The following KLRG1 variants were observed in gnomAD, a reference collection of about 807,000 sequenced individuals.
KLRG1 encodes killer cell lectin like receptor G1, also known as killer cell lectin-like receptor subfamily G member 1.
Under a neutral mutation model 21.8 loss-of-function variants are expected in KLRG1, and 16 were observed. The observed-to-expected ratio is 0.73, with a 90% CI of 0.50 to 1.11. KLRG1 has a LOEUF of 1.11. Among genes scored for constraint, KLRG1 ranks in the 50% most tolerant of loss-of-function variants. KLRG1 has a pLI of 0.00. For synonymous variants in KLRG1, 69 were observed against 75.9 expected (o/e 0.91, Z 0.47); for missense variants, 173 against 218.3 (o/e 0.79, Z 1.31).
intron 3 of KLRG1, among the ~76,000 whole-genome samples, chr12:9,003,481 A>T (rs978900180): frequency 9.2e-5 from 14 of 152,130 alleles, no homozygotes; most frequent in African/African-American, 4.8e-5. Context: ...TATTAAAAAA[A>T]ATCCATTCTT....
chr12:9,203,498 C>T, the KLRG1 span, among the ~76,000 whole-genome samples: 6 of 152,134 alleles, frequency 3.9e-5, no homozygotes, highest in South Asian at 2.1e-4. Flanking sequence ...CCTGCCACTA[C>T]GCCCGGCTAA....
chr12:9,107,874 G>A, the KLRG1 span, among the ~76,000 whole-genome samples: 2 of 146,724 alleles, frequency 1.4e-5, no homozygotes, highest in African/African-American at 2.5e-5. Context: ...TTTTTTCCTC[G>A]TTTTTTTTTA....
the KLRG1 span, chr12:9,091,341 C>T: frequency 2.5e-6 from 4 of 1,614,188 alleles, no homozygotes; most frequent in Non-Finnish European, 3.4e-6. Context: ...ATACCAAGTC[C>T]AGCATCTTCA....
chr12:9,154,916 C>A, the KLRG1 span: 1 of 1,356,336 alleles, frequency 7.4e-7, no homozygotes, highest in South Asian at 1.3e-5. Context: ...AATGCACATT[C>A]ATAATACATG....
the KLRG1 span, among the ~76,000 whole-genome samples, chr12:9,107,134 C>T: frequency 1.3e-5 from 2 of 152,028 alleles, no homozygotes; most frequent in South Asian, 4.2e-4. Flanking sequence ...GGGAAGCGGC[C>T]TTCTATATGG....
chr12:9,106,410 C>G, the KLRG1 span: 6 of 1,430,188 alleles, frequency 4.2e-6, no homozygotes, highest in Middle Eastern at 1.8e-4. Context: ...TCTATCACCT[C>G]CCCCCAACTT....
the KLRG1 span, chr12:9,165,235 G>C: frequency 1.2e-6 from 2 of 1,614,184 alleles, no homozygotes; most frequent in Non-Finnish European, 1.7e-6. Context: ...CCACAAAGAA[G>C]GGCTGGAAGG....
chr12:9,191,804 C>CT, the KLRG1 span, among the ~76,000 whole-genome samples: 2 of 152,146 alleles, frequency 1.3e-5, no homozygotes, highest in African/African-American at 4.8e-5. Flanking sequence ...AAAAAAAAAT[C>CT]TATCACCTTT....
chr12:9,147,151 C>T, the KLRG1 span, among the ~76,000 whole-genome samples: 1 of 152,186 alleles, frequency 6.6e-6, no homozygotes, highest in African/African-American at 2.4e-5. Flanking sequence ...CTCTTTCTCT[C>T]CCTAAGGGAA....
chr12:9,193,365 C>T, the KLRG1 span, among the ~76,000 whole-genome samples: 1 of 152,054 alleles, frequency 6.6e-6, no homozygotes, highest in Non-Finnish European at 1.5e-5. Flanking sequence ...TATTTGGTCT[C>T]ATAATAAAGT....
the KLRG1 span, among the ~76,000 whole-genome samples, chr12:9,054,157 A>G: frequency 1.3e-5 from 2 of 152,224 alleles, no homozygotes; most frequent in African/African-American, 2.4e-5. Context: ...ATGTAACACT[A>G]TGAATGCTGT....
At chr12:9,136,524 T>G in the KLRG1 span, among the ~76,000 whole-genome samples, 1 of 152,168 alleles carries the variant, frequency 6.6e-6, no homozygotes, top group Admixed American at 6.5e-5. Flanking sequence ...TGCATGTGTG[T>G]GTGCATATAT....
chr12:9,065,873 C>T, the KLRG1 span: 1 of 152,240 alleles, frequency 6.6e-6, no homozygotes, highest in African/African-American at 2.4e-5. Context: ...GATGACCTAC[C>T]TGTGGAGAGA....
At chr12:9,204,682 T>G in the KLRG1 span, among the ~76,000 whole-genome samples, 1 of 152,174 alleles carries the variant, frequency 6.6e-6, no homozygotes, top group Non-Finnish European at 1.5e-5. Context: ...ATCATTTCCC[T>G]TTATGCTCAA....
At chr12:9,001,560 TCATAAAATCTC>T (rs1219596563) in intron 3 of KLRG1, among the ~76,000 whole-genome samples, 1 of 152,170 alleles carries the variant, frequency 6.6e-6, no homozygotes, top group African/African-American at 2.4e-5. Context: ...CCTTAAACCC[TCATAAAATCTC>T]CATCTCTGAC....
the KLRG1 span, among the ~76,000 whole-genome samples, chr12:9,184,611 G>A: frequency 6.6e-6 from 1 of 152,236 alleles, no homozygotes; most frequent in African/African-American, 2.4e-5. Context: ...TGTGAATGAG[G>A]AGGGATCCCA....
chr12:9,164,479 C>T, the KLRG1 span, among the ~76,000 whole-genome samples: 1 of 152,150 alleles, frequency 6.6e-6, no homozygotes, highest in Non-Finnish European at 1.5e-5. Context: ...CTTAGGGTAG[C>T]TTGTGGACGT....
the KLRG1 span, among the ~76,000 whole-genome samples, chr12:9,092,758 C>T: frequency 6.6e-6 from 1 of 152,222 alleles, no homozygotes; most frequent in Non-Finnish European, 1.5e-5. Context: ...AATCCCTCTT[C>T]TGGGTATACT....
At chr12:9,100,542 G>T in the KLRG1 span, among the ~76,000 whole-genome samples, 1 of 151,874 alleles carries the variant, frequency 6.6e-6, no homozygotes, top group Non-Finnish European at 1.5e-5. Context: ...TTCTCCCAAA[G>T]TACTGGGATT....
Sources: gnomAD v4.1 joint callset for allele counts (sites outside exome capture counted in the v4.1 genomes callset) on GRCh38, gnomAD v4.1.1 for gene constraint, MANE v1.5 for transcripts, NCBI Gene and HGNC (gene_info 2026-07-23, HGNC 2026-07-21) for gene names.